DENND1A: variants seen among roughly 807,000 people sequenced by gnomAD.
DENND1A encodes DENN domain containing 1A.
A neutral mutation model predicts 113.7 loss-of-function variants in DENND1A; 51 were observed. The observed-to-expected ratio is 0.45, with a 90% CI of 0.36 to 0.57. The LOEUF (loss-of-function observed/expected upper bound fraction) is 0.57, where lower values mean the gene tolerates loss of function less well. DENND1A is among the 20% of genes least tolerant of loss of function. The pLI is 0.00. For missense variants in DENND1A, 1,258 were observed against 1,395.9 expected, an observed-to-expected ratio of 0.90 and a Z score of 1.57; for synonymous variants, 565 against 570.8, an observed-to-expected ratio of 0.99 and a Z score of 0.14.
intron 8 of DENND1A, among the ~76,000 whole-genome samples, chr9:123,659,577 T>C (rs1265104828): frequency 6.6e-6 from 1 of 152,208 alleles, no homozygotes; most frequent in African/African-American, 2.4e-5. Flanking sequence ...AAACAGACCA[T>C]TGAAAGCAGC....
intron 11 of DENND1A, among the ~76,000 whole-genome samples, chr9:123,596,050 C>T (rs1232197152): frequency 2.6e-5 from 4 of 152,202 alleles, no homozygotes; most frequent in Admixed American, 6.5e-5. Context: ...ACACCTTTCC[C>T]CACAGCTGCA....
intron 5 of DENND1A, among the ~76,000 whole-genome samples, chr9:123,707,688 T>G (rs543573130): frequency 6.6e-6 from 1 of 151,824 alleles, no homozygotes; most frequent in South Asian, 2.1e-4. Context: ...GTGGTGGGAG[T>G]GGAAGCCTGA....
chr9:123,465,731 C>T (rs980853611), intron 13 of DENND1A, among the ~76,000 whole-genome samples: 23 of 152,124 alleles, frequency 1.5e-4, no homozygotes, highest in African/African-American at 5.6e-4. Context: ...AAAATATAAA[C>T]CTTTTTTCTT....
intron 13 of DENND1A, chr9:123,492,901 T>C (rs1166694220): frequency 6.6e-6 from 1 of 152,200 alleles, no homozygotes; most frequent in African/African-American, 2.4e-5. Flanking sequence ...AGGGCTGTGT[T>C]ACCCATTGAG....
At chr9:123,496,942 C>T (rs1170604031) in intron 13 of DENND1A, among the ~76,000 whole-genome samples, 1 of 152,202 alleles carries the variant, frequency 6.6e-6, no homozygotes, top group Non-Finnish European at 1.5e-5. Context: ...CTGGGCTTCC[C>T]CAAATCTGGA....
rs115266215 is a variant in DENND1A at position 123,652,208 on chromosome 9, A to T, written c.508-85T>A. On this transcript the variant is annotated intron_variant, in intron 8 of 23. Coordinates refer to ENST00000394215, the MANE Select transcript of DENND1A (RefSeq NM_001352964.2). ...ATCTAATAAGAGCATAAGAAACATA[A>T]AATAATCAGAAAGTATACTCTGTTC... is the stretch of plus-strand genomic sequence containing the variant. 294 of 1,139,916 alleles carry T rather than the reference A, an allele frequency of 2.6e-4. 1 individual carries two copies. The African/African-American group carries it at 4.0e-3, about 16-fold the overall frequency. 70.6% of individuals were successfully genotyped at this position (1,139,916 alleles called of 1,614,324 possible).
chr9:123,533,751 A>C, intron 13 of DENND1A, among the ~76,000 whole-genome samples: 1 of 152,228 alleles, frequency 6.6e-6, no homozygotes, highest in East Asian at 1.9e-4. Flanking sequence ...CTTTCTAGAA[A>C]GGTCAGTAAA....
intron 1 of DENND1A, among the ~76,000 whole-genome samples, chr9:123,891,061 G>A (rs1171390020): frequency 6.6e-6 from 1 of 152,050 alleles, no homozygotes; most frequent in Non-Finnish European, 1.5e-5. Flanking sequence ...AAGGGCAACT[G>A]AAAAGGCCTT....
Position 123,440,460 on chromosome 9 carries a change from G to C in DENND1A, c.1388C>G (p.Pro463Arg). 1 of 1,572,332 alleles carries C rather than the reference G, an allele frequency of 6.4e-7. No homozygotes were observed. ...TGCAGTCTTTGGCAGCTGCTCTTCTGGGGTGGGGGCGCAGCCATTCTCGGC... is the reference window on the plus strand; with the variant it reads ...TGCAGTCTTTGGCAGCTGCTCTTCTCGGGTGGGGGCGCAGCCATTCTCGGC... ...DIAENGCAPTPEEQLPKTAPS... is the reference protein window; with the variant it reads ...DIAENGCAPTREEQLPKTAPS... The change falls in exon 19 of 24, where the codon CCA becomes CGA. Residue 463 changes from proline to arginine, a missense_variant. Coordinates refer to ENST00000394215, the MANE Select transcript of DENND1A (RefSeq NM_001352964.2).
chr9:123,468,130 T>C (rs1408507546), intron 13 of DENND1A, among the ~76,000 whole-genome samples: 3 of 152,156 alleles, frequency 2.0e-5, no homozygotes, highest in Admixed American at 6.5e-5. Context: ...AAGTGGCAGA[T>C]TGGGGGGTTC....
chr9:123,730,965 G>A (rs932222646), intron 5 of DENND1A, among the ~76,000 whole-genome samples: 1 of 152,140 alleles, frequency 6.6e-6, no homozygotes. Flanking sequence ...CAGCGACATG[G>A]ATGAAGCTGG....
chr9:123,723,087 C>A (rs1212907895), intron 5 of DENND1A, among the ~76,000 whole-genome samples: 1 of 152,256 alleles, frequency 6.6e-6, no homozygotes, highest in Non-Finnish European at 1.5e-5. Flanking sequence ...GAACCCACCT[C>A]TTGCATCAGC....
intron 2 of DENND1A, among the ~76,000 whole-genome samples, chr9:123,858,040 C>CAGAGCG (rs1454223472): frequency 1.5e-5 from 2 of 130,366 alleles, no homozygotes; most frequent in African/African-American, 5.9e-5. Flanking sequence ...GCCTGGGCGA[C>CAGAGCG]AGAGCGAGAC....
chr9:123,819,851 TTTTAA>T (rs1341458657), intron 2 of DENND1A, among the ~76,000 whole-genome samples: 2 of 152,232 alleles, frequency 1.3e-5, no homozygotes, highest in African/African-American at 4.8e-5. Context: ...TTAGAAGATA[TTTTAA>T]TTTTTCTCTT....
chr9:123,613,985 A>G (rs1233344767), intron 10 of DENND1A, among the ~76,000 whole-genome samples: 4 of 152,244 alleles, frequency 2.6e-5, no homozygotes, highest in Admixed American at 1.3e-4. Context: ...ACACAACAGA[A>G]TAACCTTTAC....
intron 5 of DENND1A, among the ~76,000 whole-genome samples, chr9:123,743,817 C>T (rs992103436): frequency 2.0e-5 from 3 of 151,772 alleles, no homozygotes; most frequent in Non-Finnish European, 4.4e-5. Flanking sequence ...ATGAGATGTA[C>T]TTTCTGTTTT....
At chr9:123,874,747 G>A (rs1400428637) in intron 2 of DENND1A, among the ~76,000 whole-genome samples, 1 of 152,200 alleles carries the variant, frequency 6.6e-6, no homozygotes, top group African/African-American at 2.4e-5. Context: ...ATAACCATCA[G>A]GTTGGCAAAA....
At chr9:123,506,746 C>G (rs1173837701) in intron 13 of DENND1A, among the ~76,000 whole-genome samples, 2 of 152,164 alleles carry the variant, frequency 1.3e-5, no homozygotes, top group East Asian at 3.9e-4. Context: ...GGTCACATAG[C>G]CAGAAAGTCA....
At chr9:123,385,337 G>A (rs893478520) in intron 22 of DENND1A, among the ~76,000 whole-genome samples, 2 of 152,128 alleles carry the variant, frequency 1.3e-5, no homozygotes, top group Non-Finnish European at 1.5e-5. Flanking sequence ...CTAATTTTTT[G>A]TATTTTTAGT....
Sources: allele counts gnomAD v4.1 joint callset (sites outside exome capture counted in the v4.1 genomes callset), GRCh38; gene constraint gnomAD v4.1.1; transcripts MANE v1.5; gene names NCBI Gene and HGNC (gene_info 2026-07-23, HGNC 2026-07-21).